Variants in DGKB observed in about 807,000 individuals in gnomAD.
The protein encoded by DGKB is 90 kDa diacylglycerol kinase.
Under a neutral mutation model 114.3 loss-of-function variants are expected in DGKB, and 67 were observed. The ratio of observed to expected loss-of-function variants is 0.59; its 90% CI spans 0.48 to 0.72. The LOEUF is 0.72. DGKB is among the 30% of genes least tolerant of loss of function. The probability of loss-of-function intolerance (pLI) is 0.00; values close to 1 mark genes in which losing one functional copy is unlikely to be tolerated. For synonymous variants in DGKB, 398 were observed against 323.1 expected, an observed-to-expected ratio of 1.23 and a Z score of -2.49; for missense variants, 907 against 975.2, an observed-to-expected ratio of 0.93 and a Z score of 0.93.
chr7:14,649,382 A>T (rs1351165909), intron 13 of DGKB, among the ~76,000 whole-genome samples: 1 of 150,440 alleles, frequency 6.6e-6, no homozygotes, highest in Non-Finnish European at 1.5e-5. Flanking sequence ...AGAATTTCAT[A>T]TCCAGCCAAA....
chr7:14,650,975 T>A (rs986666364), intron 13 of DGKB, among the ~76,000 whole-genome samples: 2 of 151,972 alleles, frequency 1.3e-5, no homozygotes, highest in Non-Finnish European at 2.9e-5. Flanking sequence ...AATAGACCAA[T>A]AACAGGAGCT....
intron 1 of DGKB, among the ~76,000 whole-genome samples, chr7:14,941,788 A>G (rs1359060589): frequency 6.6e-6 from 1 of 152,090 alleles, no homozygotes; most frequent in Non-Finnish European, 1.5e-5. Flanking sequence ...AAGAGACTGA[A>G]AGATTATGCT....
At chr7:14,549,166 G>A (rs1006587233) in intron 20 of DGKB, among the ~76,000 whole-genome samples, 6 of 152,078 alleles carry the variant, frequency 3.9e-5, no homozygotes, top group African/African-American at 1.2e-4. Context: ...GGATGCCCAA[G>A]GAAGTAAGAA....
intron 20 of DGKB, among the ~76,000 whole-genome samples, chr7:14,562,429 G>A (rs1266494410): frequency 6.6e-6 from 1 of 152,194 alleles, no homozygotes; most frequent in South Asian, 2.1e-4. Flanking sequence ...CCCCAGAATG[G>A]CAGATCCACT....
chr7:14,790,566 G>T (rs1246395683), intron 2 of DGKB, among the ~76,000 whole-genome samples: 3 of 151,956 alleles, frequency 2.0e-5, no homozygotes, highest in Non-Finnish European at 2.9e-5. Context: ...GTTTAAAAGG[G>T]CATCTTTCTA....
intron 17 of DGKB, among the ~76,000 whole-genome samples, chr7:14,585,300 G>A (rs990418420): frequency 6.6e-6 from 1 of 152,086 alleles, no homozygotes; most frequent in Non-Finnish European, 1.5e-5. Flanking sequence ...ATTCCAGGAA[G>A]TAGAACATTT....
intron 23 of DGKB, among the ~76,000 whole-genome samples, chr7:14,285,601 G>A (rs996883257): frequency 2.0e-5 from 3 of 152,204 alleles, no homozygotes; most frequent in African/African-American, 7.2e-5. Context: ...TGGGCTCACT[G>A]AAGGTTGTAC....
intron 2 of DGKB, among the ~76,000 whole-genome samples, chr7:14,760,195 G>A (rs1250334684): frequency 6.6e-6 from 1 of 151,624 alleles, no homozygotes; most frequent in African/African-American, 2.4e-5. Flanking sequence ...TTTCCTTTTT[G>A]GTGTATAATT....
chr7:14,447,409 A>C (rs1278651615), intron 21 of DGKB, among the ~76,000 whole-genome samples: 1 of 152,104 alleles, frequency 6.6e-6, no homozygotes, highest in Non-Finnish European at 1.5e-5. Context: ...CAGCAACAAT[A>C]GCTTCCACAT....
At chr7:14,870,053 G>C (rs2128194286) in intron 1 of DGKB, among the ~76,000 whole-genome samples, 1 of 152,242 alleles carries the variant, frequency 6.6e-6, no homozygotes, top group South Asian at 2.1e-4. Context: ...CATCTTGGGT[G>C]TCTTGGCTCT....
At chr7:14,389,726 G>A (rs924645221) in intron 21 of DGKB, among the ~76,000 whole-genome samples, 2 of 152,272 alleles carry the variant, frequency 1.3e-5, no homozygotes, top group African/African-American at 4.8e-5. Context: ...GCTTTTCTCC[G>A]CCATTAAGGC....
At chr7:14,730,491 G>A (rs59520783) in intron 5 of DGKB, among the ~76,000 whole-genome samples, 22,190 of 152,088 alleles carry the variant, frequency 0.15, 3,523 homozygotes, top group African/African-American at 0.39. Flanking sequence ...GTTTTCATGC[G>A]ATAAGGGCAA....
chr7:14,597,445 T>C (rs978752799), intron 17 of DGKB, among the ~76,000 whole-genome samples: 5 of 152,168 alleles, frequency 3.3e-5, no homozygotes, highest in African/African-American at 4.8e-5. Context: ...TAAATATAAT[T>C]TGTATCAATT....
intron 25 of DGKB, chr7:14,176,332 A>C (rs955274530): frequency 2.0e-6 from 2 of 984,402 alleles, no homozygotes; most frequent in Admixed American, 6.2e-5. Context: ...TGCCTTAAAT[A>C]ATACCTCATT....
chr7:14,614,672 T>C (rs1284799739), intron 15 of DGKB, among the ~76,000 whole-genome samples: 1 of 152,086 alleles, frequency 6.6e-6, no homozygotes, highest in Non-Finnish European at 1.5e-5. Flanking sequence ...CTAATGAGAA[T>C]AGGCAATGGG....
intron 21 of DGKB, among the ~76,000 whole-genome samples, chr7:14,381,167 C>A (rs1273810980): frequency 6.6e-6 from 1 of 152,146 alleles, no homozygotes; most frequent in Non-Finnish European, 1.5e-5. Context: ...TGGAACCTGG[C>A]CTTCAATGTT....
At chr7:14,861,887 C>A (rs1851031974) in intron 1 of DGKB, among the ~76,000 whole-genome samples, 1 of 151,890 alleles carries the variant, frequency 6.6e-6, no homozygotes, top group African/African-American at 2.4e-5. Context: ...GAGCTGCTTG[C>A]AAGATTTGTT....
chr7:14,662,085 T>C (rs1024635111), intron 13 of DGKB, among the ~76,000 whole-genome samples: 6 of 151,956 alleles, frequency 3.9e-5, no homozygotes, highest in Non-Finnish European at 5.9e-5. Context: ...GGGATATCAA[T>C]GGGAGATATA....
At chr7:14,378,342 T>C (rs1159045964) in intron 21 of DGKB, among the ~76,000 whole-genome samples, 2 of 152,190 alleles carry the variant, frequency 1.3e-5, no homozygotes, top group African/African-American at 4.8e-5. Flanking sequence ...AAAAGCACGA[T>C]AATATTAATT....
Sources: allele counts gnomAD v4.1 joint callset (sites outside exome capture counted in the v4.1 genomes callset), GRCh38; gene constraint gnomAD v4.1.1; transcripts MANE v1.5; gene names NCBI Gene and HGNC (gene_info 2026-07-23, HGNC 2026-07-21).